Variants in CAMTA1 observed in about 807,000 individuals in gnomAD.
The protein encoded by CAMTA1 is calmodulin binding transcription activator 1, also known as calmodulin-binding transcription activator 1.
In CAMTA1, 27 loss-of-function variants were observed where a neutral mutation model predicts 170.9. The observed-to-expected ratio is 0.16, with a 90% CI of 0.12 to 0.22. The LOEUF is 0.22. Among genes scored for constraint, CAMTA1 ranks in the 10% least tolerant of loss-of-function variants. The pLI is 1.00. For synonymous variants in CAMTA1, 833 were observed against 891.5 expected (o/e 0.93, Z 1.17); for missense variants, 1,619 against 2,217.2 (o/e 0.73, Z 5.42).
At chr1:7,392,243 T>A (rs1457567324) in intron 5 of CAMTA1, among the ~76,000 whole-genome samples, 1 of 143,292 alleles carries the variant, frequency 7.0e-6, no homozygotes, top group Admixed American at 7.3e-5. Context: ...AACCTCAACA[T>A]GGTGAGACCC....
rs4908672 is a variant in CAMTA1, at chr1:7,665,354, C to A, written c.2652+155C>A. Among the ~76,000 whole-genome samples the A allele has an allele frequency of 6.6e-6, 1 of 151,970 alleles. No individual in the cohort carries two copies. The highest frequency in any genetic ancestry group is 1.5e-5 in the Non-Finnish European group (1 of 67,976). ...CTTTCCCCTCCTTGTGTCCCCACGG[C>A]GCTTGAACACCTCCGTCTTTCACGC... On this transcript the variant is annotated intron_variant, in intron 9 of 22. Coordinates refer to ENST00000303635, the MANE Select transcript of CAMTA1 (RefSeq NM_015215.4). This position sits in a 1 kb window ranked among gnomAD's most constrained non-coding sequence, Gnocchi z 4.3.
intron 7 of CAMTA1, among the ~76,000 whole-genome samples, chr1:7,655,190 A>C (rs964123211): frequency 1.3e-4 from 19 of 147,936 alleles, no homozygotes; most frequent in Non-Finnish European, 2.4e-4. Context: ...ATACACAAAC[A>C]CACACCCCTA....
At chr1:7,128,831 CTTTTTTTTTTTTTT>C (rs34180837) in intron 4 of CAMTA1, among the ~76,000 whole-genome samples, 3 of 61,320 alleles carry the variant, frequency 4.9e-5, no homozygotes, top group South Asian at 1.0e-3. Context: ...GCTCCCCCTC[CTTTTTTTTTTTTTT>C]TTTTTTTTTT....
intron 5 of CAMTA1, among the ~76,000 whole-genome samples, chr1:7,442,861 A>G (rs570789094): frequency 6.6e-6 from 1 of 152,268 alleles, no homozygotes; most frequent in South Asian, 2.1e-4. Flanking sequence ...TAAAGCAAGC[A>G]TGGTCCCTGC....
chr1:7,145,834 G>A (rs1192877803), intron 4 of CAMTA1, among the ~76,000 whole-genome samples: 2 of 152,214 alleles, frequency 1.3e-5, no homozygotes, highest in Non-Finnish European at 2.9e-5. Context: ...CTGCCCTTCA[G>A]CGAAATGTGG....
chr1:7,180,584 G>A (rs1041815890), intron 4 of CAMTA1, among the ~76,000 whole-genome samples: 2 of 143,332 alleles, frequency 1.4e-5, no homozygotes, highest in Non-Finnish European at 1.5e-5. Flanking sequence ...TGTAATAACG[G>A]CTCACTGCAG....
intron 5 of CAMTA1, among the ~76,000 whole-genome samples, chr1:7,433,274 G>C (rs1271697325): frequency 2.0e-5 from 3 of 152,224 alleles, no homozygotes; most frequent in African/African-American, 4.8e-5. Flanking sequence ...CTCCACCTGG[G>C]CATCTCTATC....
At chr1:7,128,800 G>A (rs766478343) in intron 4 of CAMTA1, among the ~76,000 whole-genome samples, 22 of 142,144 alleles carry the variant, frequency 1.5e-4, no homozygotes, top group Non-Finnish European at 2.3e-4. Context: ...GATTACAGGC[G>A]TGTGCCACCA....
Position 7,146,993 on chromosome 1 carries a change from C to T in CAMTA1, c.302+55622C>T, listed in dbSNP as rs56701086. On this transcript the variant is annotated intron_variant, in intron 4 of 22. Coordinates refer to ENST00000303635, the MANE Select transcript of CAMTA1 (RefSeq NM_015215.4). This position sits in a 1 kb window ranked among gnomAD's most constrained non-coding sequence, Gnocchi z 4.3. Reference sequence around the variant, plus strand: ...TGCACACACACAGAAAGTTACAGCACGCACACACGCACTCAAACATGCACC... The same window carrying T: ...TGCACACACACAGAAAGTTACAGCATGCACACACGCACTCAAACATGCACC... Among the ~76,000 whole-genome samples, 8,997 of 151,958 alleles carry T rather than the reference C, an allele frequency of 0.059. 640 individuals carry two copies. Among genetic ancestry groups the T allele is most frequent in the African/African-American group, 0.17 (7,216 of 41,406 alleles).
intron 3 of CAMTA1, among the ~76,000 whole-genome samples, chr1:6,884,633 C>G (rs971814745): frequency 1.3e-5 from 2 of 152,160 alleles, no homozygotes; most frequent in Admixed American, 6.5e-5. Context: ...GAATTCTTCT[C>G]AAAAATTACC....
rs2149548552 is a variant in CAMTA1, at chr1:7,300,677, T to C, written c.438+51051T>C. Reference sequence around the variant, plus strand: ...GGACAACAAAGAGCAAAACTCTGTCTCAAAAAAAAAAAAATTGTATAGATA... The same window carrying C: ...GGACAACAAAGAGCAAAACTCTGTCCCAAAAAAAAAAAAATTGTATAGATA... On this transcript the variant is annotated intron_variant, in intron 5 of 22. Coordinates refer to ENST00000303635, the MANE Select transcript of CAMTA1 (RefSeq NM_015215.4). This position sits in a 1 kb window ranked among gnomAD's most constrained non-coding sequence, Gnocchi z 4.1. Among the ~76,000 whole-genome samples, 3 of 148,308 alleles carry C rather than the reference T, an allele frequency of 2.0e-5. No individual in the cohort carries two copies. The Middle Eastern group carries it at 0.01, about 511-fold the overall frequency.
chr1:7,098,901 A>G (rs140436122), intron 4 of CAMTA1, among the ~76,000 whole-genome samples: 5,367 of 152,094 alleles, frequency 0.035, 168 homozygotes, highest in Middle Eastern at 0.075. Flanking sequence ...GTTGGCCTCC[A>G]TCCCACCCCT....
chr1:6,785,481 G>T lies in CAMTA1; in HGVS notation c.-50G>T. 1 of 1,013,304 alleles carries T rather than the reference G, an allele frequency of 9.9e-7. No homozygotes were observed. Among genetic ancestry groups the T allele is most frequent in the Non-Finnish European group, 1.2e-6 (1 of 841,866 alleles). The allele number at this position is 1,013,304 out of a possible 1,614,324, so 62.8% of individuals were successfully genotyped here. On this transcript the variant is annotated 5_prime_UTR_variant, in exon 1 of 23. Transcript: ENST00000303635. ...CGGCGGGGTGGCTGGGCCGGCGGCG[G>T]CGGCGGTACGAGGCGCGCGCTCGGG...
chr1:7,052,288 C>T lies in CAMTA1; in HGVS notation c.235-39016C>T, dbSNP rs184949664. Among the ~76,000 whole-genome samples the T allele has an allele frequency of 1.3e-4, 20 of 152,224 alleles. No homozygotes were observed. In the East Asian group the frequency reaches 2.3e-3, roughly 18 times the overall value. ...TTGTGGTGTTTCGTGTCGTTCTCTC[C>T]GACGACACCTTGGTTTCTCAGTTCC... On this transcript the variant is annotated intron_variant, in intron 3 of 22. Transcript: ENST00000303635.
At chr1:6,926,490 C>CTTTCTTTCTTTCTT (rs1557838416) in intron 3 of CAMTA1, among the ~76,000 whole-genome samples, 9 of 88,614 alleles carry the variant, frequency 1.0e-4, no homozygotes, top group Non-Finnish European at 2.1e-4. Context: ...CTTTCTTTCT[C>CTTTCTTTCTTTCTT]TCTCTCTTTT....
At chr1:7,474,150 A>T (rs1243072388) in intron 6 of CAMTA1, among the ~76,000 whole-genome samples, 1 of 127,154 alleles carries the variant, frequency 7.9e-6, no homozygotes, top group Non-Finnish European at 1.7e-5. Flanking sequence ...TAGCTGTGTG[A>T]CACTGGGCAG....
At chr1:7,247,893 A>T (rs1172363991) in intron 4 of CAMTA1, among the ~76,000 whole-genome samples, 1 of 152,202 alleles carries the variant, frequency 6.6e-6, no homozygotes, top group African/African-American at 2.4e-5. Flanking sequence ...CAGGAGACAG[A>T]TACCAGCGGG....
At chr1:7,324,433 T>G (rs1678963475) in intron 5 of CAMTA1, among the ~76,000 whole-genome samples, 1 of 152,248 alleles carries the variant, frequency 6.6e-6, no homozygotes, top group Non-Finnish European at 1.5e-5. Flanking sequence ...TTTTGAGAAT[T>G]GAATGTATGT....
At chr1:6,844,690 CAAA>C (rs1180942073) in intron 3 of CAMTA1, among the ~76,000 whole-genome samples, 13 of 52,022 alleles carry the variant, frequency 2.5e-4, no homozygotes, top group South Asian at 1.5e-3. Context: ...ACCCTGTGTC[CAAA>C]AAAAAAAAAA....
Sources: gnomAD v4.1 joint callset for allele counts (sites outside exome capture counted in the v4.1 genomes callset) on GRCh38, gnomAD v4.1.1 for gene constraint, Gnocchi (gnomAD v3.1) non-coding constraint, MANE v1.5 for transcripts, NCBI Gene and HGNC (gene_info 2026-07-23, HGNC 2026-07-21) for gene names.